CDC14B: variants seen among roughly 807,000 people sequenced by gnomAD.
CDC14B encodes the protein cell division cycle 14B.
CDC14B carries 22 observed loss-of-function variants against 64.2 expected under a neutral mutation model. The observed-to-expected ratio is 0.34, with a 90% CI of 0.24 to 0.49. The LOEUF is 0.49. Ranked by LOEUF, CDC14B falls within the 20% of genes least tolerant of loss-of-function variation. The pLI, the probability that CDC14B is intolerant of heterozygous loss-of-function variation, is 0.99. For missense variants in CDC14B, 498 were observed against 629.9 expected (o/e 0.79, Z 2.24); for synonymous variants, 191 against 215.8 (o/e 0.89, Z 1.01).
intron 13 of CDC14B, among the ~76,000 whole-genome samples, chr9:96,507,941 ATATT>A (rs1834382232): frequency 6.6e-6 from 1 of 152,126 alleles, no homozygotes; most frequent in South Asian, 2.1e-4. Context: ...AGGTATATAA[ATATT>A]TATACATCTC....
At chr9:96,539,338 T>C (rs1391008042) in intron 6 of CDC14B, among the ~76,000 whole-genome samples, 198 bp from the exon 7 acceptor site, 2 of 152,224 alleles carry the variant, frequency 1.3e-5, no homozygotes, top group African/African-American at 2.4e-5. Flanking sequence ...ATTATAACTA[T>C]ATGTAATAAG....
rs374700669 is a variant in CDC14B, at chr9:96,607,440, A to G, written c.160+11779T>C. ...TTTTTTTTTTTTTTTTTTTTTTTTA[A>G]GATAGAGTCTCGCTCTGTCGCCCAG... On this transcript the variant is annotated intron_variant, in intron 1 of 13. Transcript: ENST00000375241. Among the ~76,000 whole-genome samples the G allele has an allele frequency of 5.8e-5, 7 of 120,288 alleles. No individual in the cohort carries two copies. The South Asian group carries it at 7.5e-4, about 13-fold the overall frequency. The allele number at this position is 120,288 out of a possible 152,430, so 78.9% of individuals were successfully genotyped here. A position where few individuals can be genotyped will look rare whatever the true frequency, so the allele number is the denominator to read the frequency against.
chr9:96,539,894 A>G (rs1399300032), intron 6 of CDC14B, among the ~76,000 whole-genome samples: 1 of 152,214 alleles, frequency 6.6e-6, no homozygotes, highest in African/African-American at 2.4e-5. Context: ...TGAGCCAAAC[A>G]GGAGGGAAGC....
chr9:96,614,897 G>A (rs2119067108), intron 1 of CDC14B, among the ~76,000 whole-genome samples: 1 of 152,296 alleles, frequency 6.6e-6, no homozygotes, highest in Middle Eastern at 3.4e-3. Flanking sequence ...CTGGAATGCA[G>A]TGGCGCAATC....
intron 8 of CDC14B, 67 bp from the exon 9 acceptor site, chr9:96,534,224 G>A: frequency 1.0e-6 from 1 of 958,330 alleles, no homozygotes; most frequent in Non-Finnish European, 1.6e-6. Flanking sequence ...AGTTTCACCT[G>A]TAACTGAACG....
chr9:96,583,369 AT>A (rs936391898), intron 1 of CDC14B, among the ~76,000 whole-genome samples: 2 of 122,550 alleles, frequency 1.6e-5, no homozygotes, highest in African/African-American at 3.3e-5. Context: ...GGTTGTATTT[AT>A]TTATTATTAT....
chr9:96,558,106 T>A (rs774869266), intron 4 of CDC14B, among the ~76,000 whole-genome samples: 11 of 152,210 alleles, frequency 7.2e-5, no homozygotes, highest in Non-Finnish European at 1.5e-4. Flanking sequence ...TAAGTTGATC[T>A]TATGGAGGCC....
Position 96,563,004 on chromosome 9 carries a change from G to A in CDC14B, c.328-219C>T, listed in dbSNP as rs145049327. 2.5e-4 allele frequency among the ~76,000 whole-genome samples: 38 copies of A among 152,222 alleles called. 1 individual carries two copies. Among genetic ancestry groups the A allele is most frequent in the Non-Finnish European group, 2.6e-4 (18 of 68,010 alleles). On this transcript the variant is annotated intron_variant, in intron 3 of 13. Coordinates refer to ENST00000375241, the MANE Select transcript of CDC14B (RefSeq NM_033331.4). Reference sequence around the variant, plus strand: ...ACATACAATTAGAGAAGAGGGGAGGGGACATGAATGGACACATGCTTAAAG... The same window carrying A: ...ACATACAATTAGAGAAGAGGGGAGGAGACATGAATGGACACATGCTTAAAG...
Position 96,502,175 on chromosome 9 carries a change from A to C in CDC14B, c.*1578T>G, listed in dbSNP as rs1199766792. The C allele has an allele frequency of 2.0e-5, 3 of 152,118 alleles. No homozygotes were observed. The highest frequency in any genetic ancestry group is 6.5e-5 in the Admixed American group (1 of 15,268). 9.4% of individuals were successfully genotyped at this position (152,118 alleles called of 1,614,324 possible). ...CTGTGATCCAGTCCCCAGTGTTTAAAAGCTGGCCTGACCCCACCCGACAGT... is the reference window on the plus strand; with the variant it reads ...CTGTGATCCAGTCCCCAGTGTTTAACAGCTGGCCTGACCCCACCCGACAGT... On this transcript the variant is annotated 3_prime_UTR_variant, in exon 14 of 14. Coordinates refer to ENST00000375241, the MANE Select transcript of CDC14B (RefSeq NM_033331.4).
At chr9:96,492,686 G>A (rs1833118712) in exon 14 of CDC14B, 1 of 152,456 alleles carries the variant, frequency 6.6e-6, no homozygotes, top group Admixed American at 6.5e-5. Flanking sequence ...GGAGGTTGCA[G>A]TGAGCCTAGA....
At chr9:96,576,783 T>C (rs1844837725) in intron 1 of CDC14B, among the ~76,000 whole-genome samples, 1 of 150,992 alleles carries the variant, frequency 6.6e-6, no homozygotes. Flanking sequence ...TTCAAAAAAA[T>C]GAAATAAGGA....
In CDC14B at chr9:96,522,515, A is replaced by G; in HGVS notation, c.1334T>C (p.Ile445Thr). Residue 445 changes from isoleucine to threonine, a missense_variant, in exon 12 of 14, where the codon ATT becomes ACT. Transcript: ENST00000375241. ...KSRRQSKTNA[I>T]PLTVILQSSV... ...AGGAACCCAGACTCACGTGAGAGGAATAGCGTTTGTTTTGGATTGTCTTCT... is the reference window on the plus strand; with the variant it reads ...AGGAACCCAGACTCACGTGAGAGGAGTAGCGTTTGTTTTGGATTGTCTTCT... 2 of 1,607,282 alleles carry G rather than the reference A, an allele frequency of 1.2e-6. No homozygotes were observed. The highest frequency in any genetic ancestry group is 1.3e-5 in the African/African-American group (1 of 74,922).
chr9:96,545,690 T>G (rs1445107765), intron 5 of CDC14B, among the ~76,000 whole-genome samples: 1 of 151,536 alleles, frequency 6.6e-6, no homozygotes, highest in East Asian at 1.9e-4. Context: ...CTCTGTGACA[T>G]TTTGGCAAAT....
intron 1 of CDC14B, among the ~76,000 whole-genome samples, chr9:96,587,305 C>A (rs12337245): frequency 0.063 from 9,545 of 152,274 alleles, 957 homozygotes; most frequent in African/African-American, 0.22. Flanking sequence ...AATACAGGAG[C>A]CACTGCCACA....
chr9:96,606,998 G>A (rs1846989494), intron 1 of CDC14B, among the ~76,000 whole-genome samples: 1 of 151,038 alleles, frequency 6.6e-6, no homozygotes, highest in Non-Finnish European at 1.5e-5. Flanking sequence ...CTGCATTCCA[G>A]CTTGGCCAAG....
chr9:96,601,748 C>G (rs1247198871), intron 1 of CDC14B, among the ~76,000 whole-genome samples: 5 of 138,202 alleles, frequency 3.6e-5, no homozygotes, highest in African/African-American at 1.4e-4. Flanking sequence ...GAGCTGAGGG[C>G]GCACCACTGC....
intron 12 of CDC14B, chr9:96,514,965 A>G (rs1377204652): frequency 2.0e-6 from 2 of 981,424 alleles, no homozygotes; most frequent in South Asian, 4.7e-5. Context: ...CAAGGAGAAA[A>G]GCAGGAACAA....
chr9:96,576,553 A>G (rs570673464), intron 1 of CDC14B, among the ~76,000 whole-genome samples: 3 of 150,598 alleles, frequency 2.0e-5, no homozygotes, highest in African/African-American at 7.3e-5. Context: ...GAATTGCTTG[A>G]ACCCAGGATG....
intron 4 of CDC14B, among the ~76,000 whole-genome samples, chr9:96,559,282 G>A (rs576480488): frequency 6.6e-6 from 1 of 152,300 alleles, no homozygotes; most frequent in East Asian, 1.9e-4. Context: ...ATTCAAAAAG[G>A]ACTGATAAAA....
Sources: allele counts gnomAD v4.1 joint callset (sites outside exome capture counted in the v4.1 genomes callset), GRCh38; gene constraint gnomAD v4.1.1; transcripts MANE v1.5; gene names NCBI Gene and HGNC (gene_info 2026-07-23, HGNC 2026-07-21).